Variants in PCDHGB2 observed in about 807,000 individuals in gnomAD.
The protein encoded by PCDHGB2 is protocadherin gamma-B2.
A neutral mutation model predicts 59.3 loss-of-function variants in PCDHGB2; 55 were observed. The ratio of observed to expected loss-of-function variants is 0.93; its 90% CI spans 0.75 to 1.16. The LOEUF (loss-of-function observed/expected upper bound fraction) is 1.16, where lower values mean the gene tolerates loss of function less well. Among genes scored for constraint, PCDHGB2 ranks in the 50% most tolerant of loss-of-function variants. PCDHGB2 has a pLI of 0.00. For missense variants in PCDHGB2, 1,228 were observed against 1,198.5 expected (o/e 1.02, Z -0.36); for synonymous variants, 516 against 512.0 (o/e 1.01, Z -0.11).
chr5:141,419,043 A>G (rs1561777660), intron 1 of PCDHGB2: 5 of 1,613,958 alleles, frequency 3.1e-6, no homozygotes. Flanking sequence ...TTTAAGATTC[A>G]TTCTTCTTCT....
At chr5:141,398,957 T>G (rs1307112913) in intron 1 of PCDHGB2, 1 of 1,613,868 alleles carries the variant, frequency 6.2e-7, no homozygotes, top group South Asian at 1.1e-5. Context: ...AACTCAGAAA[T>G]TACTTATTCC....
At chr5:141,364,613 C>A in intron 1 of PCDHGB2, 1 of 1,614,170 alleles carries the variant, frequency 6.2e-7, no homozygotes, top group Admixed American at 1.7e-5. Context: ...CCGGGAGGAG[C>A]TCTGCGCTCA....
Position 141,417,750 on chromosome 5 carries a change from G to A in PCDHGB2, c.2421+55194G>A, listed in dbSNP as rs1430413607. The A allele has an allele frequency of 1.5e-5, 22 of 1,426,796 alleles. 1 individual carries two copies. In the East Asian group the frequency reaches 5.5e-4, roughly 36 times the overall value. The allele number at this position is 1,426,796 out of a possible 1,614,324, so 88.4% of individuals were successfully genotyped here. On this transcript the variant is annotated intron_variant, in intron 1 of 3. Coordinates refer to ENST00000522605, the MANE Select transcript of PCDHGB2 (RefSeq NM_018923.3). ...CCTTGCCCAGCACACCAGATTGCCA[G>A]CTCCGAGACCCGGGACTCCTCCTGT...
chr5:141,489,267 C>A lies in PCDHGB2; in HGVS notation c.2422-5540C>A. On this transcript the variant is annotated intron_variant, in intron 1 of 3. Transcript: ENST00000522605. This position sits in a 1 kb window ranked among gnomAD's most constrained non-coding sequence, Gnocchi z 4.5. ...TGGGGCCCAAGACACTCCCACAGCT[C>A]GCTGGGAAATGGCAAGTGCTGTGCA... is the stretch of plus-strand genomic sequence containing the variant. 1 of 1,553,300 alleles carries A rather than the reference C, an allele frequency of 6.4e-7. No homozygotes were observed. The highest frequency in any genetic ancestry group is 8.7e-7 in the Non-Finnish European group (1 of 1,149,864).
intron 1 of PCDHGB2, chr5:141,398,003 A>C: frequency 1.4e-6 from 2 of 1,391,912 alleles, no homozygotes; most frequent in East Asian, 5.0e-5. Context: ...TCCTCGGAAA[A>C]AGAATCGTTT....
rs1458644316 is a variant in PCDHGB2 at position 141,372,571 on chromosome 5, A to G, written c.2421+10015A>G. 1.9e-6 allele frequency: 3 copies of G among 1,613,904 alleles called. No individual in the cohort carries two copies. In the Admixed American group the frequency reaches 5.0e-5, roughly 27 times the overall value. ...TCCTCCAGACCCGCCACTGAGGGCT[A>G]CTTTCAGCCTGGTGTCTGCTTCAAG... On this transcript the variant is annotated intron_variant, in intron 1 of 3. Transcript: ENST00000522605.
chr5:141,374,334 T>G, intron 1 of PCDHGB2: 2 of 1,614,018 alleles, frequency 1.2e-6, no homozygotes, highest in South Asian at 2.2e-5. Flanking sequence ...AACGGCAGCT[T>G]GGTCACCGCG....
At chr5:141,420,050 C>T in intron 1 of PCDHGB2, 1 of 1,614,076 alleles carries the variant, frequency 6.2e-7, no homozygotes, top group Non-Finnish European at 8.5e-7. Flanking sequence ...TGAGTCAGTT[C>T]TCTGCTCCAA....
At chr5:141,370,947 AAC>A in intron 1 of PCDHGB2, 5 of 1,613,958 alleles carry the variant, frequency 3.1e-6, no homozygotes, top group Non-Finnish European at 4.2e-6. Context: ...TCAGAAGGAG[AAC>A]CTGGATGGCA....
At chr5:141,422,725 G>C (rs1424048338) in intron 1 of PCDHGB2, 1 of 1,606,156 alleles carries the variant, frequency 6.2e-7, no homozygotes, top group African/African-American at 1.3e-5. Flanking sequence ...TGTCCAGGGG[G>C]TGCCTCTGTC....
chr5:141,487,031 G>A lies in PCDHGB2; in HGVS notation c.2422-7776G>A, dbSNP rs749130369. 1.2e-6 allele frequency: 2 copies of A among 1,614,182 alleles called. No homozygotes were observed. Among genetic ancestry groups the A allele is most frequent in the Non-Finnish European group, 1.7e-6 (2 of 1,180,028 alleles). On this transcript the variant is annotated intron_variant, in intron 1 of 3. Coordinates refer to ENST00000522605, the MANE Select transcript of PCDHGB2 (RefSeq NM_018923.3). The surrounding 1 kb of genome is among the most constrained non-coding windows in gnomAD (Gnocchi z 5.0). ...GGAGGCCCCAGATCCCAGCCTGTTT[G>A]CAGTCTCTCGATATGCTGGGGAGGT...
At chr5:141,375,105 A>C (rs371346343) in intron 1 of PCDHGB2, 14 of 1,613,840 alleles carry the variant, frequency 8.7e-6, no homozygotes, top group African/African-American at 2.7e-5. Context: ...TTGGATGTCA[A>C]TGATAATGTA....
intron 1 of PCDHGB2, among the ~76,000 whole-genome samples, chr5:141,448,146 C>G (rs1375402473): frequency 6.6e-6 from 1 of 151,942 alleles, no homozygotes; most frequent in Non-Finnish European, 1.5e-5. Flanking sequence ...ATACCTCAGA[C>G]TCACCCCTGA....
At chr5:141,453,001 G>C (rs1225973632) in intron 1 of PCDHGB2, among the ~76,000 whole-genome samples, 3 of 152,168 alleles carry the variant, frequency 2.0e-5, no homozygotes, top group African/African-American at 7.2e-5. Flanking sequence ...AAAGTTACCT[G>C]TAGTATAGTT....
Position 141,362,202 on chromosome 5 carries a change from G to A in PCDHGB2, c.2067G>A (p.Gln689=). Residue 689 remains glutamine (Q), a synonymous_variant, in exon 1 of 4, where the codon CAG becomes CAA. Transcript: ENST00000522605. ...REPSDPQAKL[Q]FYLVVALALI... Reference sequence around the variant, plus strand: ...CCTCTGACCCCCAGGCAAAACTGCAGTTTTACCTGGTTGTGGCCTTGGCCT... The same window carrying A: ...CCTCTGACCCCCAGGCAAAACTGCAATTTTACCTGGTTGTGGCCTTGGCCT... 1 of 1,614,078 alleles carries A rather than the reference G, an allele frequency of 6.2e-7. No individual in the cohort carries two copies. Among genetic ancestry groups the A allele is most frequent in the Non-Finnish European group, 8.5e-7 (1 of 1,179,908 alleles).
At chr5:141,377,212 G>A (rs1390877095) in intron 1 of PCDHGB2, 4 of 151,992 alleles carry the variant, frequency 2.6e-5, no homozygotes, top group African/African-American at 4.8e-5. Context: ...AGTACATCTC[G>A]TTTCTTAGGT....
At chr5:141,370,264 C>A in intron 1 of PCDHGB2, 2 of 752,616 alleles carry the variant, frequency 2.7e-6, no homozygotes, top group Non-Finnish European at 4.2e-6. Flanking sequence ...AGGCTTCCTG[C>A]AGCGGAGACA....
At chr5:141,388,360 A>C in intron 1 of PCDHGB2, 1 of 1,613,996 alleles carries the variant, frequency 6.2e-7, no homozygotes, top group South Asian at 1.1e-5. Context: ...TCTGCCCATG[A>C]TGCGGATATT....
intron 1 of PCDHGB2, chr5:141,420,199 C>G (rs764130526): frequency 6.2e-7 from 1 of 1,613,362 alleles, no homozygotes; most frequent in Non-Finnish European, 8.5e-7. Flanking sequence ...CACAAGATAA[C>G]CTCAACAAAG....
Sources: allele counts gnomAD v4.1 joint callset (sites outside exome capture counted in the v4.1 genomes callset), GRCh38; gene constraint gnomAD v4.1.1; non-coding constraint Gnocchi (gnomAD v3.1); transcripts MANE v1.5; gene names NCBI Gene and HGNC (gene_info 2026-07-23, HGNC 2026-07-21).